The following ARHGEF37 variants were observed in gnomAD, a reference collection of about 807,000 sequenced individuals.
ARHGEF37 encodes the protein Rho guanine nucleotide exchange factor 37, also known as Rho guanine nucleotide exchange factor (GEF) 37.
ARHGEF37 carries 55 observed loss-of-function variants against 71.1 expected under a neutral mutation model. The observed-to-expected ratio is 0.77, with a 90% confidence interval of 0.62 to 0.97. ARHGEF37 has a LOEUF of 0.97. ARHGEF37 is among the 50% of genes least tolerant of loss of function. The probability of loss-of-function intolerance (pLI) is 0.00; values close to 1 mark genes in which losing one functional copy is unlikely to be tolerated. For missense variants in ARHGEF37, 765 were observed against 836.8 expected (o/e 0.91, Z 1.06); for synonymous variants, 327 against 350.6 (o/e 0.93, Z 0.75).
At chr5:149,570,289 T>C (rs1462548917) in intron 1 of ARHGEF37, among the ~76,000 whole-genome samples, 1 of 152,156 alleles carries the variant, frequency 6.6e-6, no homozygotes, top group African/African-American at 2.4e-5. Flanking sequence ...GTTTAACTTA[T>C]ATTACCGGGT....
rs376250192 is a variant in ARHGEF37 at position 149,616,632 on chromosome 5, A to T, written c.524A>T (p.Tyr175Phe). The stretch of plus-strand genomic sequence containing the variant: ...ATTCCTCTGCAGAGGATCACCAGGT[A>T]CCCACTGCTGCTGCAGAAAATCCTG... ...LVIPLQRITR[Y>F]PLLLQKILEN... The change falls in exon 5 of 13, where the codon TAC becomes TTC. Residue 175 changes from tyrosine to phenylalanine, a missense_variant. Physicochemically the swap from Tyr to Phe is conservative, Grantham distance 22. This residue lies in a region of ARHGEF37 where 201 missense variants were observed against 217.5 expected (regional missense o/e 0.92). Coordinates refer to ENST00000333677, the MANE Select transcript of ARHGEF37 (RefSeq NM_001001669.3). The T allele has an allele frequency of 3.3e-5, 53 of 1,613,344 alleles. No homozygotes were observed. In the Middle Eastern group the frequency reaches 1.4e-3, roughly 44 times the overall value.
At chr5:149,621,362 C>G (rs1342566991) in intron 8 of ARHGEF37, among the ~76,000 whole-genome samples, 1 of 152,030 alleles carries the variant, frequency 6.6e-6, no homozygotes, top group Admixed American at 6.6e-5. Context: ...ATCGCTTGAG[C>G]CTGACAGGTA....
intron 3 of ARHGEF37, among the ~76,000 whole-genome samples, chr5:149,605,133 A>G (rs1185657032): frequency 6.6e-6 from 1 of 151,026 alleles, no homozygotes; most frequent in African/African-American, 2.4e-5. Flanking sequence ...AGGCTGTGGC[A>G]GGAGAATTGC....
At position 149,600,738 on chromosome 5, in the gene ARHGEF37, T is replaced by A. The variant is rs189009013; in HGVS notation, c.187-370T>A. Reference sequence around the variant, plus strand: ...TCACTGCAACCTCCACCTCCCAGGTTCAAGCAATTGTCTACCTCAGCCTCC... The same window carrying A: ...TCACTGCAACCTCCACCTCCCAGGTACAAGCAATTGTCTACCTCAGCCTCC... On this transcript the variant is annotated intron_variant, in intron 2 of 12. Transcript: ENST00000333677. Among the ~76,000 whole-genome samples, 141 of 152,016 alleles carry A rather than the reference T, an allele frequency of 9.3e-4. 1 individual carries two copies. Among genetic ancestry groups the A allele is most frequent in the African/African-American group, 3.3e-3 (136 of 41,454 alleles).
intron 1 of ARHGEF37, among the ~76,000 whole-genome samples, chr5:149,565,828 A>ACTTTTT (rs770029750): frequency 1.4e-5 from 1 of 69,878 alleles, no homozygotes; most frequent in African/African-American, 4.7e-5. Flanking sequence ...CAGAAACTCT[A>ACTTTTT]ATTTTTTTTT....
At chr5:149,577,373 TA>T (rs1580887088), upstream of ARHGEF37, among the ~76,000 whole-genome samples, 9 of 152,150 alleles carry the variant, frequency 5.9e-5, no homozygotes, top group East Asian at 1.7e-3. Flanking sequence ...CTAAAAGAGG[TA>T]GACAGCTTTT....
At chr5:149,613,522 T>G (rs1445155223) in intron 4 of ARHGEF37, among the ~76,000 whole-genome samples, 1 of 151,858 alleles carries the variant, frequency 6.6e-6, no homozygotes, top group Non-Finnish European at 1.5e-5. Flanking sequence ...AATTTTTGTA[T>G]TTTTAGTACA....
At chr5:149,607,336 A>C (rs1763940854) in intron 3 of ARHGEF37, among the ~76,000 whole-genome samples, 1 of 152,158 alleles carries the variant, frequency 6.6e-6, no homozygotes, top group Non-Finnish European at 1.5e-5. Flanking sequence ...GGGCCTCTGC[A>C]GGTGTCCTTC....
chr5:149,624,070 G>C lies in ARHGEF37; in HGVS notation c.1394G>C (p.Gly465Ala), dbSNP rs2113380606. Residue 465 changes from glycine (G) to alanine (A), a missense_variant, in exon 10 of 13, where the codon GGC becomes GCC. Gly to Ala is a moderately conservative substitution (Grantham distance 60). This residue lies in a region of ARHGEF37 where 390 missense variants were observed against 407.4 expected (regional missense o/e 0.96). Coordinates refer to ENST00000333677, the MANE Select transcript of ARHGEF37 (RefSeq NM_001001669.3). Reference protein sequence around the residue: ...AFRKLVEDALGRTSNQLRSFQ... With the variant: ...AFRKLVEDALARTSNQLRSFQ... ...AGGAAGCTGGTGGAGGACGCACTGG[G>C]CCGGACGAGTAACCAGCTTCGCTCC... 8 of 1,611,940 alleles carry C rather than the reference G, an allele frequency of 5.0e-6. No individual in the cohort carries two copies. The East Asian group carries it at 1.8e-4, about 36-fold the overall frequency.
intron 10 of ARHGEF37, among the ~76,000 whole-genome samples, chr5:149,626,452 T>G (rs1489596040): frequency 6.6e-6 from 1 of 152,222 alleles, no homozygotes; most frequent in African/African-American, 2.4e-5. Flanking sequence ...TTGGATAAGC[T>G]GAAAGTGCCA....
intron 6 of ARHGEF37, 42 bp from the exon 7 acceptor site, chr5:149,618,896 C>T (rs749393957): frequency 1.3e-6 from 2 of 1,495,402 alleles, no homozygotes; most frequent in Admixed American, 1.7e-5. Context: ...TGTACACTGC[C>T]CCCATGTGGA....
At chr5:149,583,780 A>G (rs1023169142) in intron 1 of ARHGEF37, among the ~76,000 whole-genome samples, 5 of 152,144 alleles carry the variant, frequency 3.3e-5, no homozygotes, top group Non-Finnish European at 5.9e-5. Flanking sequence ...TTGTTTATTT[A>G]GAGACAGGGT....
intron 10 of ARHGEF37, among the ~76,000 whole-genome samples, chr5:149,625,908 G>A (rs1302258941): frequency 1.3e-5 from 2 of 152,176 alleles, no homozygotes; most frequent in Non-Finnish European, 2.9e-5. Flanking sequence ...TCCCAGGGGT[G>A]ACGCTGTTCT....
At chr5:149,590,410 TA>T (rs938271735) in intron 1 of ARHGEF37, among the ~76,000 whole-genome samples, 1 of 150,324 alleles carries the variant, frequency 6.7e-6, no homozygotes, top group East Asian at 2.0e-4. Flanking sequence ...GCCTCCTGAG[TA>T]GCTGGGATTA....
In ARHGEF37 at chr5:149,619,161, G is replaced by T. The variant is rs78412086; in HGVS notation, c.894+119G>T. 15,068 of 779,838 alleles carry T rather than the reference G, an allele frequency of 0.019. 1,222 individuals carry two copies. The East Asian group carries it at 0.23, about 12-fold the overall frequency. The allele number at this position is 779,838 out of a possible 1,614,324, so 48.3% of individuals were successfully genotyped here. A position where few individuals can be genotyped will look rare whatever the true frequency, so the allele number is the denominator to read the frequency against. ...CCAGCCTCAGAAACCAACCAGATGA[G>T]GTCATCCTGTCTCATCTCTTCTGGA... On this transcript the variant is annotated intron_variant, in intron 7 of 12. Transcript: ENST00000333677.
chr5:149,628,409 T>A (rs995719356), intron 11 of ARHGEF37, among the ~76,000 whole-genome samples: 1 of 152,186 alleles, frequency 6.6e-6, no homozygotes, highest in Non-Finnish European at 1.5e-5. Context: ...TGGGCTCACA[T>A]GGAGAGGAGA....
At chr5:149,609,477 G>A (rs375993768) in intron 3 of ARHGEF37, 71 bp from the exon 4 acceptor site, 2 of 1,556,546 alleles carry the variant, frequency 1.3e-6, no homozygotes, top group East Asian at 2.3e-5. Context: ...TTTACTTACT[G>A]CCTCCCTGTT....
chr5:149,619,822 A>C (rs4499821), intron 7 of ARHGEF37, among the ~76,000 whole-genome samples: 83,303 of 152,010 alleles, frequency 0.55, 23,187 homozygotes, highest in East Asian at 0.83. Flanking sequence ...GTAATCCCAG[A>C]ATTTTGGAAG....
At chr5:149,578,342 AT>A (rs1463238179), upstream of ARHGEF37, among the ~76,000 whole-genome samples, 1 of 152,184 alleles carries the variant, frequency 6.6e-6, no homozygotes, top group African/African-American at 2.4e-5. Context: ...TCATGGTCAA[AT>A]TTGCAACTGG....
Sources: allele counts gnomAD v4.1 joint callset (sites outside exome capture counted in the v4.1 genomes callset), GRCh38; gene constraint gnomAD v4.1.1; regional missense constraint gnomAD v4.1.1; transcripts MANE v1.5; gene names NCBI Gene and HGNC (gene_info 2026-07-23, HGNC 2026-07-21).